The following RHEBL1 variants were observed in gnomAD, a reference collection of about 807,000 sequenced individuals.
RHEBL1 encodes the protein GTPase RhebL1.
A neutral mutation model predicts 27.4 loss-of-function variants in RHEBL1; 22 were observed. The ratio of observed to expected loss-of-function variants is 0.80; its 90% CI spans 0.57 to 1.15. RHEBL1 has a LOEUF of 1.15. Among genes scored for constraint, RHEBL1 ranks in the 50% most tolerant of loss-of-function variants. RHEBL1 has a pLI of 0.00. For synonymous variants in RHEBL1, 85 were observed against 80.8 expected (o/e 1.05, Z -0.28); for missense variants, 186 against 226.5 (o/e 0.82, Z 1.15).
chr12:49,065,559 C>T, intron 6 of RHEBL1, 128 bp from the exon 7 acceptor site: 1 of 731,652 alleles, frequency 1.4e-6, no homozygotes, highest in Non-Finnish European at 2.4e-6. Flanking sequence ...CTTTGGGAGG[C>T]CGAGGTGGTG....
intron 2 of RHEBL1, among the ~76,000 whole-genome samples, chr12:49,067,460 T>A (rs1280636540): frequency 6.6e-6 from 1 of 151,852 alleles, no homozygotes; most frequent in Non-Finnish European, 1.5e-5. Context: ...CTTACCTTTT[T>A]TTTTTTTTTT....
At chr12:49,065,735 C>T (rs868573438) in intron 6 of RHEBL1, among the ~76,000 whole-genome samples, 2 of 152,222 alleles carry the variant, frequency 1.3e-5, no homozygotes, top group African/African-American at 4.8e-5. Context: ...ACCATCCTGG[C>T]TAACATGGTG....
chr12:49,068,058 T>G (rs899711487), intron 2 of RHEBL1, among the ~76,000 whole-genome samples: 1 of 152,148 alleles, frequency 6.6e-6, no homozygotes, highest in African/African-American at 2.4e-5. Flanking sequence ...AACTATATAT[T>G]TGTACCCATT....
intron 5 of RHEBL1, 58 bp downstream of exon 5, chr12:49,066,418 C>T (rs148140221): frequency 1.3e-6 from 2 of 1,581,452 alleles, no homozygotes; most frequent in Non-Finnish European, 1.7e-6. Flanking sequence ...ATTCTCCCCT[C>T]TGCTCTCTCC....
At chr12:49,067,264 G>A (rs531142291) in intron 2 of RHEBL1, among the ~76,000 whole-genome samples, 3 of 151,772 alleles carry the variant, frequency 2.0e-5, no homozygotes, top group Admixed American at 6.6e-5. Context: ...CACCATGCCC[G>A]GCTAATTACA....
At position 49,064,963 on chromosome 12, in the gene RHEBL1, CAT is replaced by C; in HGVS notation, c.*138_*139del. 3.1e-6 allele frequency: 2 copies of C among 655,280 alleles called. No homozygotes were observed. The highest frequency in any genetic ancestry group is 5.5e-6 in the Non-Finnish European group (2 of 364,660). The allele number at this position is 655,280 out of a possible 1,614,324, so 40.6% of individuals were successfully genotyped here. On this transcript the variant is annotated 3_prime_UTR_variant, in exon 8 of 8. Transcript: ENST00000301068. Reference sequence around the variant, plus strand: ...CTGGAGCCTGGGGAAAGTGTGCAAACATGAGGATGCCACACTGTGTGTCCAGG... The same window carrying C: ...CTGGAGCCTGGGGAAAGTGTGCAAACGAGGATGCCACACTGTGTGTCCAGG...
intron 2 of RHEBL1, 89 bp from the exon 3 acceptor site, chr12:49,067,124 C>CTCTTGTCTCAA: frequency 3.9e-6 from 3 of 763,544 alleles, no homozygotes; most frequent in Non-Finnish European, 4.2e-6. Flanking sequence ...TTTTTTGAGA[C>CTCTTGTCTCAA]AAGAGTCTCA....
In RHEBL1 at chr12:49,065,048, G is replaced by A; in HGVS notation, c.*55C>T. The A allele has an allele frequency of 7.6e-7, 1 of 1,323,348 alleles. No individual in the cohort carries two copies. Among genetic ancestry groups the A allele is most frequent in the South Asian group, 1.2e-5 (1 of 85,134 alleles). The allele number at this position is 1,323,348 out of a possible 1,614,324, so 82.0% of individuals were successfully genotyped here. On this transcript the variant is annotated 3_prime_UTR_variant, in exon 8 of 8. Transcript: ENST00000301068. ...AAGTCCTGAGGATCTGCCCCCCACT[G>A]GAACATGGCAAGTGCCGGGGGCAGA...
rs778129529 is a variant in RHEBL1, at chr12:49,069,793, G to T, written c.-8C>A. 7 of 1,613,020 alleles carry T rather than the reference G, an allele frequency of 4.3e-6. No individual in the cohort carries two copies. Among genetic ancestry groups the T allele is most frequent in the Non-Finnish European group, 5.9e-6 (7 of 1,179,582 alleles). On this transcript the variant is annotated 5_prime_UTR_variant, in exon 1 of 8. Coordinates refer to ENST00000301068, the MANE Select transcript of RHEBL1 (RefSeq NM_144593.3). ...GTAGCGGACTAGCGGCATGGCAGGA[G>T]CCCGCCCCAGGGGCTTGCGGAACTG...
chr12:49,067,092 C>A (rs1212735973), intron 2 of RHEBL1, 57 bp from the exon 3 acceptor site: 10 of 1,088,462 alleles, frequency 9.2e-6, no homozygotes, highest in South Asian at 1.4e-5. Context: ...CGATGTATGT[C>A]CCCTGACTTT....
chr12:49,066,554 C>A, intron 4 of RHEBL1, 22 bp from the exon 5 acceptor site: 1 of 1,614,104 alleles, frequency 6.2e-7, no homozygotes. Flanking sequence ...AGAATTGGAG[C>A]TATAACTTTA....
chr12:49,068,584 C>T (rs1313388454), intron 2 of RHEBL1, among the ~76,000 whole-genome samples: 1 of 151,560 alleles, frequency 6.6e-6, no homozygotes, highest in African/African-American at 2.4e-5. Flanking sequence ...TACAGGCGTG[C>T]GCCACCATGC....
At chr12:49,066,149 A>G (rs1938993396) in intron 6 of RHEBL1, 82 bp downstream of exon 6, 2 of 1,074,900 alleles carry the variant, frequency 1.9e-6, no homozygotes, top group East Asian at 4.8e-5. Context: ...TGTTTGAGTC[A>G]GTGGAAGAGC....
intron 2 of RHEBL1, 92 bp from the exon 3 acceptor site, chr12:49,067,127 G>T (rs1159262851): frequency 1.4e-5 from 11 of 775,942 alleles, no homozygotes; most frequent in East Asian, 5.4e-5. Context: ...TTTGAGACAA[G>T]AGTCTCACTC....
chr12:49,069,110 T>G lies in RHEBL1; in HGVS notation c.53-4A>C. The G allele has an allele frequency of 6.2e-7, 1 of 1,614,156 alleles. No homozygotes were observed. The highest frequency in any genetic ancestry group is 8.5e-7 in the Non-Finnish European group (1 of 1,179,996). ...TGATGTGCCAAAGATGTCTTCCCTG[T>G]GGGGAGCAGTGTGACAGTTGTATCC... is the stretch of plus-strand genomic sequence containing the variant. On this transcript the variant is annotated splice_region_variant and splice_polypyrimidine_tract_variant and intron_variant, in intron 1 of 7. Transcript: ENST00000301068.
At chr12:49,068,951 G>A (rs1939041909) in intron 2 of RHEBL1, 84 bp downstream of exon 2, 1 of 1,408,614 alleles carries the variant, frequency 7.1e-7, no homozygotes, top group African/African-American at 1.4e-5. Context: ...CTTGGCACCA[G>A]AGAAATAAAT....
At chr12:49,068,708 T>C (rs1307241300) in intron 2 of RHEBL1, among the ~76,000 whole-genome samples, 1 of 152,182 alleles carries the variant, frequency 6.6e-6, no homozygotes, top group African/African-American at 2.4e-5. Flanking sequence ...AGTGCTGGGA[T>C]TACAGGCATG....
In RHEBL1 at chr12:49,066,698, C is replaced by A; in HGVS notation, c.196G>T (p.Glu66Ter). 1 of 1,613,740 alleles carries A rather than the reference C, an allele frequency of 6.2e-7. No individual in the cohort carries two copies. The highest frequency in any genetic ancestry group is 1.1e-5 in the South Asian group (1 of 91,062). The part of the protein sequence containing the change: ...LHLVDTAGQD[E>*]YSILPYSFII... Reference sequence around the variant, plus strand: ...AATGAATAGGGCAGAATGCTGTACTCATCCTGGCAAGAAATGGGAAACATC... The same window carrying A: ...AATGAATAGGGCAGAATGCTGTACTAATCCTGGCAAGAAATGGGAAACATC... The change falls in exon 4 of 8, where the codon GAG (glutamate) becomes TAG (stop). Residue 66 changes from glutamate to a stop codon, truncating the protein, a stop_gained. Coordinates refer to ENST00000301068, the MANE Select transcript of RHEBL1 (RefSeq NM_144593.3). LOFTEE classifies it high-confidence loss of function.
At chr12:49,066,795 C>T (rs1277366831) in intron 3 of RHEBL1, 94 bp from the exon 4 acceptor site, 2 of 1,223,842 alleles carry the variant, frequency 1.6e-6, no homozygotes, top group Non-Finnish European at 1.2e-6. Flanking sequence ...CCCTGGGGCA[C>T]GCCCTACTAT....
Sources: allele counts gnomAD v4.1 joint callset (sites outside exome capture counted in the v4.1 genomes callset), GRCh38; gene constraint gnomAD v4.1.1; transcripts MANE v1.5; gene names NCBI Gene and HGNC (gene_info 2026-07-23, HGNC 2026-07-21).